FAF1: variants seen among roughly 807,000 people sequenced by gnomAD.
FAF1 encodes Fas associated factor 1.
A neutral mutation model predicts 92.5 loss-of-function variants in FAF1; 25 were observed. The ratio of observed to expected loss-of-function variants is 0.27; its 90% CI spans 0.20 to 0.38. The LOEUF is 0.38. FAF1 is among the 10% of genes least tolerant of loss of function. FAF1 has a pLI of 1.00. For missense variants in FAF1, 636 were observed against 793.3 expected (o/e 0.80, Z 2.38); for synonymous variants, 234 against 273.2 (o/e 0.86, Z 1.42).
intron 7 of FAF1, among the ~76,000 whole-genome samples, chr1:50,665,333 T>C (rs1443876483): frequency 6.6e-6 from 1 of 152,214 alleles, no homozygotes; most frequent in African/African-American, 2.4e-5. Flanking sequence ...TCAGAAGCAA[T>C]ATACTAGTTA....
intron 2 of FAF1, among the ~76,000 whole-genome samples, chr1:50,804,701 C>T (rs1013844110): frequency 3.9e-5 from 6 of 152,138 alleles, no homozygotes; most frequent in African/African-American, 1.4e-4. Flanking sequence ...AGAAGAACAG[C>T]TGCAGTAAGT....
chr1:50,878,727 AAACT>A (rs1214576532), intron 1 of FAF1, among the ~76,000 whole-genome samples: 2 of 152,178 alleles, frequency 1.3e-5, no homozygotes, highest in African/African-American at 4.8e-5. Flanking sequence ...TACACATTAA[AAACT>A]AACTAGCAAC....
intron 8 of FAF1, among the ~76,000 whole-genome samples, chr1:50,652,377 A>G (rs1654908006): frequency 6.6e-6 from 1 of 152,234 alleles, no homozygotes; most frequent in Non-Finnish European, 1.5e-5. Flanking sequence ...CCTAAAATGT[A>G]TAAGGCACTA....
chr1:50,843,977 A>C (rs556931151), intron 2 of FAF1, among the ~76,000 whole-genome samples: 11 of 152,264 alleles, frequency 7.2e-5, no homozygotes, highest in East Asian at 3.9e-4. Flanking sequence ...TAATGGCTGT[A>C]CTAATTTACA....
At chr1:50,952,572 G>A (rs1176268117) in intron 1 of FAF1, among the ~76,000 whole-genome samples, 6 of 151,820 alleles carry the variant, frequency 4.0e-5, no homozygotes, top group South Asian at 4.2e-4. Context: ...GCCACCCATC[G>A]TCTGGGATGT....
chr1:50,575,083 T>C (rs1033104575), intron 12 of FAF1, among the ~76,000 whole-genome samples: 1 of 151,968 alleles, frequency 6.6e-6, no homozygotes, highest in Non-Finnish European at 1.5e-5. Flanking sequence ...TAATTTTTTG[T>C]ATTTTTAATA....
chr1:50,587,651 T>C (rs540542562), intron 9 of FAF1, among the ~76,000 whole-genome samples: 5 of 152,370 alleles, frequency 3.3e-5, no homozygotes, highest in African/African-American at 9.6e-5. Flanking sequence ...ATTATGCTTA[T>C]TGCATTCATT....
chr1:50,632,963 T>C (rs1653857153), intron 8 of FAF1, among the ~76,000 whole-genome samples: 1 of 152,200 alleles, frequency 6.6e-6, no homozygotes, highest in Admixed American at 6.5e-5. Flanking sequence ...TCTTCTGAAT[T>C]TGAAGCAATT....
chr1:50,538,321 C>T (rs1648588886), intron 14 of FAF1, among the ~76,000 whole-genome samples: 2 of 151,890 alleles, frequency 1.3e-5, no homozygotes, highest in South Asian at 2.1e-4. Flanking sequence ...TCCCATTGTG[C>T]CACATAAACT....
rs1349749103 is a variant in FAF1 at position 50,490,457 on chromosome 1, A to C, written c.1653+131T>G. The C allele has an allele frequency of 9.0e-4, 309 of 342,464 alleles. 6 individuals carry two copies. The highest frequency in any genetic ancestry group is 1.4e-3 in the Non-Finnish European group (232 of 168,220). 21.2% of individuals were successfully genotyped at this position (342,464 alleles called of 1,614,324 possible). ...GAAGGAAGGAAGGAAGGAAGGAAGGAAGGAAAAAGAAAGAAGGAAGGAAGG... is the reference window on the plus strand; with the variant it reads ...GAAGGAAGGAAGGAAGGAAGGAAGGCAGGAAAAAGAAAGAAGGAAGGAAGG... On this transcript the variant is annotated intron_variant, in intron 17 of 18. Coordinates refer to ENST00000396153, the MANE Select transcript of FAF1 (RefSeq NM_007051.3).
intron 7 of FAF1, among the ~76,000 whole-genome samples, chr1:50,689,418 A>G (rs769818584): frequency 1.6e-4 from 24 of 152,140 alleles, no homozygotes; most frequent in African/African-American, 2.4e-4. Flanking sequence ...CCCCGTCTCT[A>G]CTAAACATAG....
chr1:50,554,390 T>TATAGAGAGAG, intron 13 of FAF1, among the ~76,000 whole-genome samples: 104 of 93,682 alleles, frequency 1.1e-3, no homozygotes, highest in East Asian at 3.8e-3. Flanking sequence ...TATATATATA[T>TATAGAGAGAG]AGAGAGAGAG....
chr1:50,888,879 A>G (rs1331878533), intron 1 of FAF1, among the ~76,000 whole-genome samples: 3 of 152,228 alleles, frequency 2.0e-5, no homozygotes, highest in African/African-American at 7.2e-5. Flanking sequence ...CTGGCTTCAT[A>G]AAATGAGTTA....
chr1:50,794,277 T>A (rs1464772842), intron 3 of FAF1, among the ~76,000 whole-genome samples: 1 of 152,028 alleles, frequency 6.6e-6, no homozygotes, highest in African/African-American at 2.4e-5. Flanking sequence ...GAAAAAAAAA[T>A]TTGGACTGGG....
intron 2 of FAF1, among the ~76,000 whole-genome samples, chr1:50,824,815 A>G (rs993705335): frequency 6.6e-6 from 1 of 152,172 alleles, no homozygotes; most frequent in Non-Finnish European, 1.5e-5. Context: ...ATAGAAATGA[A>G]GAACATTATA....
In FAF1 at chr1:50,753,757, C is replaced by CT. The variant is rs58567132; in HGVS notation, c.368-8983dup. Among the ~76,000 whole-genome samples, 1,231 of 130,532 alleles carry CT rather than the reference C, an allele frequency of 9.4e-3. 7 individuals are homozygous for CT. Among genetic ancestry groups the CT allele is most frequent in the East Asian group, 0.022 (98 of 4,552 alleles). 85.6% of individuals were successfully genotyped at this position (130,532 alleles called of 152,430 possible). On this transcript the variant is annotated intron_variant, in intron 4 of 18. Coordinates refer to ENST00000396153, the MANE Select transcript of FAF1 (RefSeq NM_007051.3). ...AACTGCTCTAATGTCATTATCTGTT[C>CT]TTTTTTTTTTTTTTTTTTGAGACAT...
intron 1 of FAF1, among the ~76,000 whole-genome samples, chr1:50,862,435 G>A (rs1353805850): frequency 5.3e-5 from 8 of 151,832 alleles, no homozygotes; most frequent in Non-Finnish European, 2.9e-5. Context: ...CAAGGGCAGT[G>A]GGCAGAGGAG....
chr1:50,827,635 A>AAAATAAAT (rs555516630), intron 2 of FAF1, among the ~76,000 whole-genome samples: 4 of 146,442 alleles, frequency 2.7e-5, no homozygotes, highest in African/African-American at 1.1e-4. Flanking sequence ...TAAATACTAA[A>AAAATAAAT]AAATAAATAA....
At chr1:50,460,516 G>T (rs568707080) in intron 18 of FAF1, among the ~76,000 whole-genome samples, 16 of 152,020 alleles carry the variant, frequency 1.1e-4, no homozygotes, top group Admixed American at 2.0e-4. Context: ...AGGACTATTA[G>T]CTATGAATTC....
Sources: allele counts gnomAD v4.1 joint callset (sites outside exome capture counted in the v4.1 genomes callset), GRCh38; gene constraint gnomAD v4.1.1; transcripts MANE v1.5; gene names NCBI Gene and HGNC (gene_info 2026-07-23, HGNC 2026-07-21).